ERP27: variants seen among roughly 807,000 people sequenced by gnomAD.
The protein encoded by ERP27 is endoplasmic reticulum resident protein 27.
ERP27 carries 23 observed loss-of-function variants against 27.7 expected under a neutral mutation model. That is an observed-to-expected ratio of 0.83 (90% CI 0.60 to 1.18). The LOEUF (loss-of-function observed/expected upper bound fraction) is 1.18, where lower values mean the gene tolerates loss of function less well. Among genes scored for constraint, ERP27 ranks in the 50% most tolerant of loss-of-function variants. The probability of loss-of-function intolerance (pLI) is 0.00; values close to 1 mark genes in which losing one functional copy is unlikely to be tolerated. For missense variants in ERP27, 363 were observed against 327.9 expected, an observed-to-expected ratio of 1.11 and a Z score of -0.83; for synonymous variants, 159 against 118.3, an observed-to-expected ratio of 1.34 and a Z score of -2.23.
rs767633470 is a variant in ERP27 at position 14,914,757 on chromosome 12, T to C, written c.800A>G (p.Lys267Arg). The C allele has an allele frequency of 7.4e-6, 12 of 1,613,744 alleles. No individual in the cohort carries two copies. In the African/African-American group the frequency reaches 1.5e-4, roughly 20 times the overall value. The change falls in exon 7 of 7, where the codon AAG (lysine) becomes AGG (arginine). Residue 267 changes from lysine to arginine, a missense_variant. Transcript: ENST00000266397. The part of the protein sequence containing the change: ...LLKENRESEG[K>R]TPKVEL The stretch of plus-strand genomic sequence containing the variant: ...AAGTCAGAGTTCCACCTTTGGAGTC[T>C]TTCCTTCTGATTCACGATTTTCTTT...
chr12:14,927,851 T>C (rs530158756), intron 3 of ERP27, among the ~76,000 whole-genome samples: 26 of 152,220 alleles, frequency 1.7e-4, no homozygotes, highest in Middle Eastern at 6.8e-3. Flanking sequence ...TCTAGCTACA[T>C]GATCCATTAT....
chr12:14,924,243 A>G (rs764861545), intron 3 of ERP27, among the ~76,000 whole-genome samples: 1 of 152,162 alleles, frequency 6.6e-6, no homozygotes, highest in South Asian at 2.1e-4. Context: ...TCCATTGTAT[A>G]TATGTACTGC....
Position 14,921,059 on chromosome 12 carries a change from CA to C in ERP27, c.334-12del, listed in dbSNP as rs1863495691. 2.5e-6 allele frequency: 4 copies of C among 1,601,918 alleles called. No individual in the cohort carries two copies. The highest frequency in any genetic ancestry group is 1.3e-5 in the African/African-American group (1 of 74,564). Reference sequence around the variant, plus strand: ...TTGTTCATTGTCTACCTGGATAACACAAAAAAGAATGAAGTCACTATTCCAT... The same window carrying C: ...TTGTTCATTGTCTACCTGGATAACACAAAAAGAATGAAGTCACTATTCCAT... On this transcript the variant is annotated splice_polypyrimidine_tract_variant and intron_variant, in intron 3 of 6. Transcript: ENST00000266397.
intron 3 of ERP27, among the ~76,000 whole-genome samples, chr12:14,923,694 T>C (rs1432726939): frequency 6.6e-6 from 1 of 152,150 alleles, no homozygotes; most frequent in Non-Finnish European, 1.5e-5. Flanking sequence ...GTGTTTGAAG[T>C]CTTTTTCCTA....
At chr12:14,935,215 G>A (rs1366938006) in intron 2 of ERP27, 1 of 917,108 alleles carries the variant, frequency 1.1e-6, no homozygotes, top group African/African-American at 1.8e-5. Context: ...TTGTAGCTGA[G>A]CCTGAGACTC....
intron 4 of ERP27, among the ~76,000 whole-genome samples, chr12:14,918,798 C>T (rs373506584): frequency 1.8e-4 from 27 of 152,134 alleles, no homozygotes; most frequent in Non-Finnish European, 1.3e-4. Flanking sequence ...AAGATTTCTC[C>T]GTGGAGTTTA....
intron 4 of ERP27, among the ~76,000 whole-genome samples, chr12:14,920,170 T>C (rs1037004688): frequency 6.6e-5 from 10 of 152,336 alleles, no homozygotes; most frequent in African/African-American, 1.9e-4. Flanking sequence ...TAGACTGTTA[T>C]AGTCTATAGA....
chr12:14,922,458 C>A (rs1314087725), intron 3 of ERP27, among the ~76,000 whole-genome samples: 2 of 106,266 alleles, frequency 1.9e-5, no homozygotes, highest in Non-Finnish European at 1.9e-5. Context: ...ATGTTGCTTG[C>A]CTATTTTTCT....
In ERP27 at chr12:14,937,850, C is replaced by T. The variant is rs1267746134; in HGVS notation, c.195+102G>A. Reference sequence around the variant, plus strand: ...CTGGGTGGCTGTCTCCCTTTACCCCCACTTCTAATGCAGTGCCATCTGCCA... The same window carrying T: ...CTGGGTGGCTGTCTCCCTTTACCCCTACTTCTAATGCAGTGCCATCTGCCA... On this transcript the variant is annotated intron_variant, in intron 2 of 6. Transcript: ENST00000266397. 6.8e-6 allele frequency: 6 copies of T among 886,856 alleles called. No individual in the cohort carries two copies. The Admixed American group carries it at 1.3e-4, about 19-fold the overall frequency. The allele number at this position is 886,856 out of a possible 1,614,324, so 54.9% of individuals were successfully genotyped here. A position where few individuals can be genotyped will look rare whatever the true frequency, so the allele number is the denominator to read the frequency against.
chr12:14,928,342 T>A (rs1863640421), intron 3 of ERP27, among the ~76,000 whole-genome samples: 1 of 152,238 alleles, frequency 6.6e-6, no homozygotes, highest in Non-Finnish European at 1.5e-5. Context: ...AGATTGCTCT[T>A]TATTGTCATC....
At position 14,934,961 on chromosome 12, in the gene ERP27, A is replaced by C; in HGVS notation, c.228T>G (p.His76Gln). The C allele has an allele frequency of 6.2e-7, 1 of 1,614,146 alleles. No individual in the cohort carries two copies. Among genetic ancestry groups the C allele is most frequent in the South Asian group, 1.1e-5 (1 of 91,078 alleles). Reference protein sequence around the residue: ...DLEIPAVPILHSMVQKFPGVS... With the variant: ...DLEIPAVPILQSMVQKFPGVS... ...CGCCTGGGAATTTTTGCACCATGCTATGGAGTATGGGCACTGCTGGTATTT... is the reference window on the plus strand; with the variant it reads ...CGCCTGGGAATTTTTGCACCATGCTCTGGAGTATGGGCACTGCTGGTATTT... The change falls in exon 3 of 7, where the codon CAT becomes CAG. Residue 76 changes from histidine (H) to glutamine (Q), a missense_variant. Physicochemically the swap from His to Gln is conservative, Grantham distance 24. Transcript: ENST00000266397.
At chr12:14,929,465 T>G (rs185715685) in intron 3 of ERP27, among the ~76,000 whole-genome samples, 26 of 152,292 alleles carry the variant, frequency 1.7e-4, no homozygotes, top group Admixed American at 1.6e-3. Flanking sequence ...GTAAAGGGAA[T>G]TATTTGCATA....
intron 3 of ERP27, among the ~76,000 whole-genome samples, chr12:14,922,086 T>G (rs1863512886): frequency 6.6e-6 from 1 of 152,224 alleles, no homozygotes; most frequent in Admixed American, 6.5e-5. Flanking sequence ...TTCTAGTCAT[T>G]AAGACAATGC....
intron 3 of ERP27, among the ~76,000 whole-genome samples, chr12:14,934,528 A>T (rs1396245062): frequency 2.0e-5 from 3 of 152,202 alleles, no homozygotes; most frequent in Non-Finnish European, 4.4e-5. Flanking sequence ...AAGTGACCTT[A>T]GAGATAATAC....
intron 3 of ERP27, chr12:14,929,000 C>T: frequency 6.5e-7 from 1 of 1,535,252 alleles, no homozygotes; most frequent in African/African-American, 1.4e-5. Flanking sequence ...ATTGCAACCA[C>T]CAAAATCATC....
intron 1 of ERP27, 36 bp from the exon 2 acceptor site, chr12:14,938,088 G>A: frequency 6.5e-7 from 1 of 1,529,848 alleles, no homozygotes; most frequent in Non-Finnish European, 9.1e-7. Flanking sequence ...GGGTACTGAG[G>A]CAAGAAGAAG....
At chr12:14,919,417 C>T (rs960233175) in intron 4 of ERP27, among the ~76,000 whole-genome samples, 7 of 152,124 alleles carry the variant, frequency 4.6e-5, no homozygotes, top group Non-Finnish European at 1.0e-4. Context: ...TGCCACAACA[C>T]GGAGGCCATA....
intron 4 of ERP27, among the ~76,000 whole-genome samples, chr12:14,918,001 A>C (rs1863440806): frequency 6.6e-6 from 1 of 152,226 alleles, no homozygotes; most frequent in Non-Finnish European, 1.5e-5. Context: ...TCTTGTTGCA[A>C]GACTAGTCAG....
chr12:14,925,366 A>G (rs1394581016), intron 3 of ERP27, among the ~76,000 whole-genome samples: 1 of 152,220 alleles, frequency 6.6e-6, no homozygotes, highest in African/African-American at 2.4e-5. Flanking sequence ...TTTCCAAGAT[A>G]TAAAATCCTA....
Sources: allele counts gnomAD v4.1 joint callset (sites outside exome capture counted in the v4.1 genomes callset), GRCh38; gene constraint gnomAD v4.1.1; transcripts MANE v1.5; gene names NCBI Gene and HGNC (gene_info 2026-07-23, HGNC 2026-07-21).